Variants in MRE11 observed in about 807,000 individuals in gnomAD.
The protein encoded by MRE11 is MRE11 double strand break repair nuclease, also known as double-strand break repair protein MRE11.
MRE11 carries 62 observed loss-of-function variants against 91.7 expected under a neutral mutation model. The observed-to-expected ratio is 0.68, with a 90% CI of 0.55 to 0.84. MRE11 has a LOEUF of 0.84. MRE11 is among the 40% of genes least tolerant of loss of function. The pLI is 0.00. For missense variants in MRE11, 796 were observed against 852.9 expected (o/e 0.93, Z 0.83); for synonymous variants, 273 against 271.4 (o/e 1.01, Z -0.06).
intron 3 of MRE11, 73 bp from the exon 4 acceptor site, chr11:94,486,157 G>A (rs1947138212): frequency 3.5e-6 from 5 of 1,439,458 alleles, no homozygotes; most frequent in Admixed American, 2.1e-5. Flanking sequence ...AGATGAAAGA[G>A]ATAAAAAAAA....
At chr11:94,426,136 T>G (rs1390667589) in intron 19 of MRE11, among the ~76,000 whole-genome samples, 1 of 152,174 alleles carries the variant, frequency 6.6e-6, no homozygotes, top group Non-Finnish European at 1.5e-5. Flanking sequence ...ACTCTTGGAC[T>G]ACAGTGCAAT....
At position 94,419,923 on chromosome 11, in the gene MRE11, T is replaced by C; in HGVS notation, c.*202A>G. ...TATTTTAATCTTTACTCAAGAGTGATATTGAAACAAAGCTCTTACTACAAC... is the reference window on the plus strand; with the variant it reads ...TATTTTAATCTTTACTCAAGAGTGACATTGAAACAAAGCTCTTACTACAAC... On this transcript the variant is annotated 3_prime_UTR_variant, in exon 20 of 20. Coordinates refer to ENST00000323929, the MANE Select transcript of MRE11 (RefSeq NM_005591.4). 2.3e-6 allele frequency: 1 copy of C among 436,464 alleles called. No homozygotes were observed. The highest frequency in any genetic ancestry group is 4.2e-6 in the Non-Finnish European group (1 of 240,960). The allele number at this position is 436,464 out of a possible 1,614,324, so 27.0% of individuals were successfully genotyped here.
chr11:94,510,385 G>C, the MRE11 span, among the ~76,000 whole-genome samples: 1 of 152,080 alleles, frequency 6.6e-6, no homozygotes, highest in Non-Finnish European at 1.5e-5. Flanking sequence ...AGTTTATTCT[G>C]TGAGAACTAA....
At chr11:94,493,849 C>T (rs1293383141), upstream of MRE11, 2 of 152,240 alleles carry the variant, frequency 1.3e-5, no homozygotes, top group East Asian at 1.9e-4. Flanking sequence ...GCGTCCGTTT[C>T]TCTCGCGACA....
Position 94,420,158 on chromosome 11 carries a change from C to A in MRE11, c.2094G>T (p.Met698Ile). 1 of 1,581,478 alleles carries A rather than the reference C, an allele frequency of 6.3e-7. No homozygotes were observed. The highest frequency in any genetic ancestry group is 1.1e-5 in the South Asian group (1 of 90,438). ...TATTTCTTCTTAAAGAACTAGTGTT[C>A]ATAAAAGGATCATCATCATCATCCT... ...SSEDDDDDPF[M>I]NTSSLRRNRR The change falls in exon 20 of 20, where the codon ATG becomes ATT. Residue 698 changes from methionine (M) to isoleucine (I), a missense_variant. Physicochemically the swap from Met to Ile is conservative, Grantham distance 10. Transcript: ENST00000323929.
chr11:94,455,679 TA>T (rs763882180), intron 14 of MRE11, among the ~76,000 whole-genome samples: 58 of 152,206 alleles, frequency 3.8e-4, no homozygotes, highest in Non-Finnish European at 6.6e-4. Context: ...TTAGAATAGA[TA>T]ATAGAAATTG....
intron 14 of MRE11, among the ~76,000 whole-genome samples, chr11:94,451,837 T>C (rs1344148380): frequency 6.6e-6 from 1 of 152,194 alleles, no homozygotes; most frequent in Non-Finnish European, 1.5e-5. Flanking sequence ...TATGTGTATA[T>C]ATCCAGAGAG....
chr11:94,485,790 C>T (rs1201222715), intron 4 of MRE11, 134 bp downstream of exon 4: 8 of 844,734 alleles, frequency 9.5e-6, no homozygotes, highest in South Asian at 6.5e-5. Flanking sequence ...CAATGATGTA[C>T]AAAAAAATTC....
the MRE11 span, among the ~76,000 whole-genome samples, chr11:94,508,216 G>A: frequency 7.9e-5 from 12 of 152,236 alleles, no homozygotes; most frequent in African/African-American, 2.6e-4. Flanking sequence ...TAAAGTGCTG[G>A]TATTACAGGC....
the MRE11 span, among the ~76,000 whole-genome samples, chr11:94,505,988 T>G: frequency 6.6e-6 from 1 of 152,250 alleles, no homozygotes; most frequent in South Asian, 2.1e-4. Flanking sequence ...AGCCTAAGTG[T>G]GTAGTAGGCT....
At chr11:94,487,009 T>G (rs1947159011) in intron 3 of MRE11, among the ~76,000 whole-genome samples, 1 of 152,178 alleles carries the variant, frequency 6.6e-6, no homozygotes, top group Admixed American at 6.5e-5. Context: ...AGGTTTAAGC[T>G]AGGCCTTCCA....
chr11:94,438,642 T>G (rs1945691729), intron 16 of MRE11, among the ~76,000 whole-genome samples: 1 of 152,176 alleles, frequency 6.6e-6, no homozygotes, highest in African/African-American at 2.4e-5. Flanking sequence ...AGGCAAAAGA[T>G]GAGTGATGTT....
rs555519167 is a variant in MRE11 at position 94,467,032 on chromosome 11, C to T, written c.1098+781G>A. On this transcript the variant is annotated intron_variant, in intron 10 of 19. Transcript: ENST00000323929. ...AAGAGTAATTCAGCAAGATGAGACACGATCTATTGGATTGAACAATTAAAG... is the reference window on the plus strand; with the variant it reads ...AAGAGTAATTCAGCAAGATGAGACATGATCTATTGGATTGAACAATTAAAG... Among the ~76,000 whole-genome samples, 4 of 152,224 alleles carry T rather than the reference C, an allele frequency of 2.6e-5. No individual in the cohort carries two copies. In the South Asian group the frequency reaches 8.3e-4, roughly 32 times the overall value.
intron 19 of MRE11, among the ~76,000 whole-genome samples, chr11:94,425,342 T>C (rs1234723803): frequency 6.6e-6 from 1 of 152,062 alleles, no homozygotes; most frequent in African/African-American, 2.4e-5. Flanking sequence ...AAGAGGTCCT[T>C]AATAGAGTGC....
chr11:94,495,699 C>T (rs1443766262), upstream of MRE11, among the ~76,000 whole-genome samples: 1 of 152,180 alleles, frequency 6.6e-6, no homozygotes, highest in Non-Finnish European at 1.5e-5. Flanking sequence ...GCAGAATAAA[C>T]ATCAGTTCCT....
chr11:94,430,012 A>C, intron 18 of MRE11, 26 bp from the exon 19 acceptor site: 1 of 1,609,264 alleles, frequency 6.2e-7, no homozygotes. Context: ...AACAAAAACA[A>C]ACACAATGAA....
rs1946497585 is a variant in MRE11, at chr11:94,464,164, G to T, written c.1174C>A (p.Pro392Thr). The change falls in exon 11 of 20, where the codon CCA (proline) becomes ACA (threonine). Residue 392 changes from proline (P) to threonine (T), a missense_variant. Transcript: ENST00000323929. ...SQKFVDRVAN[P>T]KDIIHFFRHR... ...CTGAAAAAATGGATAATGTCTTTTG[G>T]ATTAGCTACCCGATCCACAAATTTC... 6.2e-7 allele frequency: 1 copy of T among 1,613,582 alleles called. No individual in the cohort carries two copies.
At chr11:94,472,982 C>G (rs372004842) in intron 7 of MRE11, 26 of 152,154 alleles carry the variant, frequency 1.7e-4, no homozygotes, top group African/African-American at 5.1e-4. Flanking sequence ...ATAGAAGTGC[C>G]ATACTCCTCT....
chr11:94,444,389 TGTTCTGTTTTC>T (rs59064940), intron 16 of MRE11, among the ~76,000 whole-genome samples: 72,459 of 151,594 alleles, frequency 0.48, 17,520 homozygotes, highest in South Asian at 0.6. Context: ...TTATTGTTTT[TGTTCTGTTTTC>T]GTTCTGTTTT....
Sources: gnomAD v4.1 joint callset for allele counts (sites outside exome capture counted in the v4.1 genomes callset) on GRCh38, gnomAD v4.1.1 for gene constraint, MANE v1.5 for transcripts, NCBI Gene and HGNC (gene_info 2026-07-23, HGNC 2026-07-21) for gene names.